SLC29A3: variants seen among roughly 807,000 people sequenced by gnomAD.
SLC29A3 encodes the protein equilibrative nucleoside transporter 3.
SLC29A3 carries 18 observed loss-of-function variants against 25.4 expected under a neutral mutation model. That is an observed-to-expected ratio of 0.71 (90% CI 0.49 to 1.05). SLC29A3 has a LOEUF of 1.05. Among genes scored for constraint, SLC29A3 ranks in the 50% least tolerant of loss-of-function variants. The pLI is 0.00. For missense variants in SLC29A3, 586 were observed against 609.0 expected (o/e 0.96, Z 0.40); for synonymous variants, 258 against 267.1 (o/e 0.97, Z 0.33).
At chr10:71,353,200 T>C (rs1846808854) in intron 4 of SLC29A3, among the ~76,000 whole-genome samples, 1 of 152,210 alleles carries the variant, frequency 6.6e-6, no homozygotes, top group Non-Finnish European at 1.5e-5. Context: ...GTTTGCCATT[T>C]CTGAGATCAG....
At chr10:71,327,804 A>G (rs192657773) in intron 2 of SLC29A3, among the ~76,000 whole-genome samples, 7 of 146,286 alleles carry the variant, frequency 4.8e-5, no homozygotes, top group Admixed American at 3.5e-4. Context: ...CTGAAACCCC[A>G]GGTGCCTGGG....
At chr10:71,334,250 C>T (rs1346780340) in intron 2 of SLC29A3, among the ~76,000 whole-genome samples, 1 of 152,250 alleles carries the variant, frequency 6.6e-6, no homozygotes, top group Non-Finnish European at 1.5e-5. Context: ...CTGTTTGCTA[C>T]TCAGCCCTGC....
In SLC29A3 at chr10:71,362,374, C is replaced by T. The variant is rs760681166; in HGVS notation, c.1194C>T (p.Tyr398=). 10 of 1,614,046 alleles carry T rather than the reference C, an allele frequency of 6.2e-6. No homozygotes were observed. The highest frequency in any genetic ancestry group is 1.7e-6 in the Non-Finnish European group (2 of 1,180,050). The part of the protein sequence containing the change: ...CLIPLFVLCN[Y]QPRVHLKTVV... ...TCCCCCTCTTCGTGCTCTGTAACTA[C>T]CAGCCCCGCGTCCACCTGAAGACTG... The change falls in exon 6 of 6, where the codon TAC becomes TAT. Residue 398 remains tyrosine (Y), a synonymous_variant. Transcript: ENST00000373189.
chr10:71,332,943 C>A (rs1232330350), intron 2 of SLC29A3, among the ~76,000 whole-genome samples: 3 of 152,262 alleles, frequency 2.0e-5, no homozygotes, highest in Non-Finnish European at 4.4e-5. Flanking sequence ...CCTTCTTCCC[C>A]ACCCGCGCTG....
intron 5 of SLC29A3, among the ~76,000 whole-genome samples, chr10:71,359,118 A>G (rs963588511): frequency 1.3e-5 from 2 of 152,148 alleles, no homozygotes; most frequent in African/African-American, 2.4e-5. Flanking sequence ...CGTGTTGGCC[A>G]GGCTGGTCTC....
chr10:71,333,843 C>T (rs1370917721), intron 2 of SLC29A3, among the ~76,000 whole-genome samples: 4 of 152,226 alleles, frequency 2.6e-5, no homozygotes, highest in East Asian at 3.8e-4. Flanking sequence ...TGCATGGATC[C>T]GTGAGGTTCC....
Position 71,344,295 on chromosome 10 carries a change from G to C in SLC29A3, c.383+4G>C. 6.2e-7 allele frequency: 1 copy of C among 1,612,382 alleles called. No individual in the cohort carries two copies. The highest frequency in any genetic ancestry group is 2.2e-5 in the East Asian group (1 of 44,856). ...CCAACTTCCTGCTTGTCAACAGGTA[G>C]GCGACTCTCTTCCCTCTCTCAGGCC... On this transcript the variant is annotated splice_donor_region_variant and intron_variant, in intron 3 of 5. Transcript: ENST00000373189.
At chr10:71,378,732 CT>C (rs1847279853) in intron 4 of SLC29A3, among the ~76,000 whole-genome samples, 1 of 152,218 alleles carries the variant, frequency 6.6e-6, no homozygotes, top group South Asian at 2.1e-4. Context: ...TTGAGAACGA[CT>C]GTTCTGCTAG....
intron 2 of SLC29A3, among the ~76,000 whole-genome samples, chr10:71,324,791 A>G (rs1157846078): frequency 6.6e-6 from 1 of 152,018 alleles, no homozygotes; most frequent in Non-Finnish European, 1.5e-5. Context: ...GAGGAACTTG[A>G]TCAGATCTCA....
At chr10:71,334,925 T>C (rs535633123) in intron 2 of SLC29A3, among the ~76,000 whole-genome samples, 22 of 150,338 alleles carry the variant, frequency 1.5e-4, no homozygotes, top group African/African-American at 2.2e-4. Flanking sequence ...CAGTCTTTTT[T>C]CCCCCCACTT....
chr10:71,362,653 G>C lies in SLC29A3; in HGVS notation c.*45G>C. On this transcript the variant is annotated 3_prime_UTR_variant, in exon 6 of 6. Coordinates refer to ENST00000373189, the MANE Select transcript of SLC29A3 (RefSeq NM_018344.6). Reference sequence around the variant, plus strand: ...TTGGTGCTTCAGAGCCTTTGAAGATGAGAAGAGAGTGCAGGAGGGCTGGGG... The same window carrying C: ...TTGGTGCTTCAGAGCCTTTGAAGATCAGAAGAGAGTGCAGGAGGGCTGGGG... 5.6e-6 allele frequency: 9 copies of C among 1,612,546 alleles called. No homozygotes were observed. The South Asian group carries it at 9.9e-5, about 18-fold the overall frequency.
intron 2 of SLC29A3, among the ~76,000 whole-genome samples, chr10:71,324,172 A>G (rs1845915342): frequency 6.6e-6 from 1 of 152,226 alleles, no homozygotes; most frequent in Non-Finnish European, 1.5e-5. Context: ...TGAGGGCTGG[A>G]GGATGGAACA....
intron 2 of SLC29A3, among the ~76,000 whole-genome samples, chr10:71,334,592 C>T (rs555918247): frequency 1.3e-5 from 2 of 152,356 alleles, no homozygotes; most frequent in Non-Finnish European, 2.9e-5. Flanking sequence ...TCTACAACAT[C>T]TAGCGAGCTC....
At chr10:71,326,155 A>G (rs1054656600) in intron 2 of SLC29A3, among the ~76,000 whole-genome samples, 5 of 151,986 alleles carry the variant, frequency 3.3e-5, no homozygotes, top group Non-Finnish European at 5.9e-5. Context: ...CCTGGGCTCA[A>G]GAGATCCGCC....
chr10:71,333,185 C>T (rs1846161514), intron 2 of SLC29A3, among the ~76,000 whole-genome samples: 1 of 152,242 alleles, frequency 6.6e-6, no homozygotes, highest in Non-Finnish European at 1.5e-5. Flanking sequence ...AGGCAGGCAG[C>T]CTGGGAAGGG....
downstream of SLC29A3, among the ~76,000 whole-genome samples, chr10:71,368,040 T>C (rs1365711178): frequency 2.0e-5 from 3 of 152,166 alleles, no homozygotes; most frequent in Non-Finnish European, 2.9e-5. Flanking sequence ...CTGGACAACA[T>C]AGTAAGACCC....
chr10:71,332,004 GTC>G, intron 2 of SLC29A3, among the ~76,000 whole-genome samples: 1 of 152,258 alleles, frequency 6.6e-6, no homozygotes, highest in East Asian at 1.9e-4. Context: ...GTATCTAGGA[GTC>G]TCTCCTTTGT....
intron 2 of SLC29A3, among the ~76,000 whole-genome samples, chr10:71,339,382 G>A (rs1815862058): frequency 6.6e-6 from 1 of 152,336 alleles, no homozygotes; most frequent in Admixed American, 6.5e-5. Context: ...ATTGCAGGGT[G>A]CAGATAACGC....
chr10:71,363,994 G>A (rs1236947752), downstream of SLC29A3, among the ~76,000 whole-genome samples: 1 of 151,834 alleles, frequency 6.6e-6, no homozygotes. Flanking sequence ...TGTGGGGAGG[G>A]GAGGGAGTCC....
Sources: gnomAD v4.1 joint callset for allele counts (sites outside exome capture counted in the v4.1 genomes callset) on GRCh38, gnomAD v4.1.1 for gene constraint, MANE v1.5 for transcripts, NCBI Gene and HGNC (gene_info 2026-07-23, HGNC 2026-07-21) for gene names.